Variants in CSMD3 observed in about 807,000 individuals in gnomAD.
CSMD3 encodes CUB and Sushi multiple domains 3.
In CSMD3, 177 loss-of-function variants were observed where a neutral mutation model predicts 435.2. That is an observed-to-expected ratio of 0.41 (90% CI 0.36 to 0.46). The LOEUF (loss-of-function observed/expected upper bound fraction) is 0.46. CSMD3 is among the 20% of genes least tolerant of loss of function. The pLI is 0.34. For synonymous variants in CSMD3, 1,656 were observed against 1,520.5 expected (o/e 1.09, Z -2.07); for missense variants, 4,265 against 4,504.6 (o/e 0.95, Z 1.52).
intron 10 of CSMD3, among the ~76,000 whole-genome samples, chr8:112,916,152 C>T (rs1336582454): frequency 1.3e-5 from 2 of 151,692 alleles, no homozygotes; most frequent in East Asian, 1.9e-4. Context: ...CTGCTATGTA[C>T]CAAAACTGAA....
At chr8:112,287,345 C>T (rs564039749) in intron 57 of CSMD3, 99 bp from the exon 58 acceptor site, 19 of 1,100,388 alleles carry the variant, frequency 1.7e-5, no homozygotes, top group South Asian at 7.5e-5. Context: ...TTTGTGCATG[C>T]GGTGTTTTAG....
chr8:112,637,106 G>A, intron 21 of CSMD3, 101 bp from the exon 22 acceptor site: 1 of 925,700 alleles, frequency 1.1e-6, no homozygotes, highest in South Asian at 1.3e-5. Context: ...TTAGAACCTA[G>A]TCATATATTT....
At chr8:113,185,163 C>T (rs7830924) in intron 3 of CSMD3, among the ~76,000 whole-genome samples, 14,622 of 152,082 alleles carry the variant, frequency 0.096, 915 homozygotes, top group Middle Eastern at 0.17. Flanking sequence ...ATTGTAAAGG[C>T]ACAACCCACC....
At chr8:112,235,080 G>T (rs1221260572) in intron 67 of CSMD3, among the ~76,000 whole-genome samples, 1 of 152,104 alleles carries the variant, frequency 6.6e-6, no homozygotes, top group African/African-American at 2.4e-5. Flanking sequence ...GAAAAGCACT[G>T]GAGGGCCAAG....
At chr8:112,973,126 GGGTC>G (rs1365251542) in intron 7 of CSMD3, among the ~76,000 whole-genome samples, 4 of 151,828 alleles carry the variant, frequency 2.6e-5, no homozygotes, top group South Asian at 4.1e-4. Context: ...AGTTTCCCGT[GGGTC>G]ATCACCAAGT....
In CSMD3 at chr8:112,492,638, C is replaced by G. The variant is rs763366205; in HGVS notation, c.5129G>C (p.Gly1710Ala). 1.2e-6 allele frequency: 2 copies of G among 1,613,854 alleles called. No homozygotes were observed. Among genetic ancestry groups the G allele is most frequent in the South Asian group, 2.2e-5 (2 of 91,084 alleles). The change falls in exon 31 of 71, where the codon GGC (glycine) becomes GCC (alanine). Residue 1710 changes from glycine (G) to alanine (A), a missense_variant. This residue lies in a region of CSMD3 where 3,255 missense variants were observed against 3,380.2 expected (regional missense o/e 0.96). Coordinates refer to ENST00000297405, the MANE Select transcript of CSMD3 (RefSeq NM_198123.2). Reference protein sequence around the residue: ...SCFDPGNIMNGTRLGMDYKLG... With the variant: ...SCFDPGNIMNATRLGMDYKLG... ...TTTATAATCCATTCCAAGTCTGGTG[C>G]CATTCATTATATTGCCTGGATCAAA...
intron 32 of CSMD3, among the ~76,000 whole-genome samples, chr8:112,459,513 C>A (rs1203454925): frequency 6.6e-6 from 1 of 152,050 alleles, no homozygotes; most frequent in Non-Finnish European, 1.5e-5. Flanking sequence ...GGAAAAGTGG[C>A]TATTTGTCAG....
At chr8:112,264,334 G>A (rs1358528152) in intron 60 of CSMD3, among the ~76,000 whole-genome samples, 1 of 151,736 alleles carries the variant, frequency 6.6e-6, no homozygotes, top group African/African-American at 2.4e-5. Context: ...ATTATTATAG[G>A]GTTTATAAAT....
At chr8:113,193,180 C>A (rs534119131) in intron 3 of CSMD3, among the ~76,000 whole-genome samples, 3 of 151,026 alleles carry the variant, frequency 2.0e-5, no homozygotes, top group Non-Finnish European at 4.4e-5. Context: ...TATTCCATCT[C>A]GTATTCGTAT....
chr8:112,717,796 G>A (rs1398377701), intron 13 of CSMD3, among the ~76,000 whole-genome samples: 2 of 152,108 alleles, frequency 1.3e-5, no homozygotes, highest in African/African-American at 4.8e-5. Context: ...ATCATCCTCA[G>A]CAAACTAACA....
intron 3 of CSMD3, among the ~76,000 whole-genome samples, chr8:113,239,622 C>G (rs557520765): frequency 6.6e-6 from 1 of 151,854 alleles, no homozygotes; most frequent in Non-Finnish European, 1.5e-5. Flanking sequence ...TAACAAGTAT[C>G]TAAATATGTG....
chr8:112,764,207 T>C (rs2077918025), intron 13 of CSMD3, among the ~76,000 whole-genome samples: 1 of 151,524 alleles, frequency 6.6e-6, no homozygotes, highest in Non-Finnish European at 1.5e-5. Flanking sequence ...TATATTTACA[T>C]ACTGGGGAGA....
intron 27 of CSMD3, among the ~76,000 whole-genome samples, chr8:112,548,298 G>T (rs1052270396): frequency 1.1e-4 from 17 of 151,920 alleles, no homozygotes; most frequent in African/African-American, 3.1e-4. Context: ...CCTTTGATGT[G>T]GTGCTTGGAA....
chr8:113,029,864 T>C (rs758921161), intron 5 of CSMD3, among the ~76,000 whole-genome samples: 1 of 151,444 alleles, frequency 6.6e-6, no homozygotes, highest in Non-Finnish European at 1.5e-5. Context: ...TATGATTGTT[T>C]GCCTTGAAAA....
At chr8:112,928,239 T>C (rs574251849) in intron 9 of CSMD3, among the ~76,000 whole-genome samples, 2 of 152,154 alleles carry the variant, frequency 1.3e-5, no homozygotes, top group African/African-American at 4.8e-5. Flanking sequence ...GCAAAAGCCC[T>C]AGGCAAGTGC....
chr8:113,023,771 T>C (rs1431261388), intron 5 of CSMD3, among the ~76,000 whole-genome samples: 2 of 152,124 alleles, frequency 1.3e-5, no homozygotes, highest in South Asian at 2.1e-4. Flanking sequence ...GTTCTCATCA[T>C]ATCTTAATTT....
intron 7 of CSMD3, among the ~76,000 whole-genome samples, chr8:112,967,675 GC>G (rs1198258247): frequency 6.6e-6 from 1 of 151,760 alleles, no homozygotes; most frequent in Non-Finnish European, 1.5e-5. Flanking sequence ...TTTCTGCACA[GC>G]CCTTATTACC....
chr8:112,460,072 C>T (rs768083782), intron 32 of CSMD3, among the ~76,000 whole-genome samples: 2 of 152,090 alleles, frequency 1.3e-5, no homozygotes, highest in African/African-American at 2.4e-5. Flanking sequence ...TGCTTACAAA[C>T]GGTAGTTTCC....
rs576269660 is a variant in CSMD3 at position 113,257,739 on chromosome 8, T to A, written c.514+20853A>T. On this transcript the variant is annotated intron_variant, in intron 3 of 70. Coordinates refer to ENST00000297405, the MANE Select transcript of CSMD3 (RefSeq NM_198123.2). ...CTTTCTGCAATGAGTCAGCTAAATA[T>A]CCAGCCATTCTACTGTGGCAAATTA... is the stretch of plus-strand genomic sequence containing the variant. 1.1e-4 allele frequency among the ~76,000 whole-genome samples: 16 copies of A among 152,272 alleles called. No homozygotes were observed. In the South Asian group the frequency reaches 3.3e-3, roughly 32 times the overall value.
Sources: gnomAD v4.1 joint callset for allele counts (sites outside exome capture counted in the v4.1 genomes callset) on GRCh38, gnomAD v4.1.1 for gene constraint, gnomAD v4.1.1 regional missense constraint, MANE v1.5 for transcripts, NCBI Gene and HGNC (gene_info 2026-07-23, HGNC 2026-07-21) for gene names.